Variants in SPTB observed in about 807,000 individuals in gnomAD.
The protein encoded by SPTB is spectrin beta, erythrocytic, also known as spectrin beta chain, erythrocytic.
Under a neutral mutation model 256.2 loss-of-function variants are expected in SPTB, and 45 were observed. That is an observed-to-expected ratio of 0.18 (90% CI 0.14 to 0.23). The LOEUF (loss-of-function observed/expected upper bound fraction) is 0.23. Among genes scored for constraint, SPTB ranks in the 10% least tolerant of loss-of-function variants. SPTB has a pLI of 1.00. For synonymous variants in SPTB, 1,231 were observed against 1,243.1 expected (o/e 0.99, Z 0.21); for missense variants, 2,715 against 3,040.4 (o/e 0.89, Z 2.52).
chr14:64,877,150 T>TA (rs111763840), intron 1 of SPTB, among the ~76,000 whole-genome samples: 4,212 of 138,400 alleles, frequency 0.03, 117 homozygotes, highest in African/African-American at 0.073. Flanking sequence ...ATCTGTTCTT[T>TA]AAAAAAAAAA....
Position 64,841,367 on chromosome 14 carries a change from T to A in SPTB, c.-51-18222A>T, listed in dbSNP as rs891569458. 3.3e-5 allele frequency among the ~76,000 whole-genome samples: 5 copies of A among 152,112 alleles called. No homozygotes were observed. The highest frequency in any genetic ancestry group is 1.2e-4 in the African/African-American group (5 of 41,402). ...CCCTCTGCAGGAAGGAATGTGGAGA[T>A]CAAAGGAGTGGGAAGGTTATAAACA... On this transcript the variant is annotated intron_variant, in intron 1 of 35. Transcript: ENST00000644917. This position sits in a 1 kb window ranked among gnomAD's most constrained non-coding sequence, Gnocchi z 4.6.
intron 1 of SPTB, among the ~76,000 whole-genome samples, chr14:64,851,317 T>G (rs1356349732): frequency 6.6e-6 from 1 of 152,230 alleles, no homozygotes; most frequent in African/African-American, 2.4e-5. Context: ...CTCTGTGCCT[T>G]TATTTCTTCA....
In SPTB at chr14:64,782,320, G is replaced by A. The variant is rs229639; in HGVS notation, c.4236C>T (p.Thr1412=). ...GCTTAGCCAACATCCGATTGACACT[G>A]GTCAGGTCCTTGCCCGGGTCGTCTG... ...LRSDDPGKDL[T]SVNRMLAKLK... is the part of the protein sequence containing the mutation. Residue 1412 remains threonine, a synonymous_variant, in exon 20 of 36, where the codon ACC becomes ACT. Transcript: ENST00000644917. 788 of 1,614,174 alleles carry A rather than the reference G, an allele frequency of 4.9e-4. 4 individuals are homozygous for A. The African/African-American group carries it at 9.2e-3, about 19-fold the overall frequency.
In SPTB at chr14:64,852,523, G is replaced by T. The variant is rs2083804434; in HGVS notation, c.-52+27269C>A. On this transcript the variant is annotated intron_variant, in intron 1 of 35. Coordinates refer to ENST00000644917, the MANE Select transcript of SPTB (RefSeq NM_001355436.2). This position sits in a 1 kb window ranked among gnomAD's most constrained non-coding sequence, Gnocchi z 4.2. ...GGGACAAGATTACAGGCAGGGAACT[G>T]ATTAGGATGTCACTGCAGTAACTGA... 6.6e-6 allele frequency among the ~76,000 whole-genome samples: 1 copy of T among 152,208 alleles called. No individual in the cohort carries two copies. Among genetic ancestry groups the T allele is most frequent in the African/African-American group, 2.4e-5 (1 of 41,442 alleles).
chr14:64,822,866 G>C (rs904262948), intron 2 of SPTB, 81 bp downstream of exon 2: 27 of 1,587,690 alleles, frequency 1.7e-5, no homozygotes, highest in Admixed American at 3.3e-5. Context: ...AACACACACA[G>C]AGGATTCACA....
At chr14:64,848,135 T>A (rs1341867053) in intron 1 of SPTB, among the ~76,000 whole-genome samples, 1 of 152,208 alleles carries the variant, frequency 6.6e-6, no homozygotes, top group Non-Finnish European at 1.5e-5. Context: ...CATTTAAATC[T>A]ACTTTTTAAG....
At chr14:64,811,242 A>G (rs1477523658) in intron 2 of SPTB, among the ~76,000 whole-genome samples, 2 of 152,262 alleles carry the variant, frequency 1.3e-5, no homozygotes, top group Non-Finnish European at 2.9e-5. Context: ...TTAACAAGGA[A>G]AAAGACCAGT....
chr14:64,799,839 G>A lies in SPTB; in HGVS notation c.972C>T (p.Val324=), dbSNP rs757509270. ...AGTTGGCAAACTTGCGGCTGTTCAG[G>A]ACAGTGATGGTCTGCTCGATCCAGG... is the stretch of plus-strand genomic sequence containing the variant. ...LLTWIEQTIT[V]LNSRKFANSL... is the part of the protein sequence containing the mutation. The change falls in exon 9 of 36, where the codon GTC becomes GTT. Residue 324 remains valine (V), a synonymous_variant. Transcript: ENST00000644917. 3.1e-6 allele frequency: 5 copies of A among 1,614,138 alleles called. No individual in the cohort carries two copies. The African/African-American group carries it at 6.7e-5, about 22-fold the overall frequency.
At position 64,790,248 on chromosome 14, in the gene SPTB, C is replaced by A. The variant is rs2082647608; in HGVS notation, c.2804+1471G>T. On this transcript the variant is annotated intron_variant, in intron 15 of 35. Coordinates refer to ENST00000644917, the MANE Select transcript of SPTB (RefSeq NM_001355436.2). This position sits in a 1 kb window ranked among gnomAD's most constrained non-coding sequence, Gnocchi z 4.8. Reference sequence around the variant, plus strand: ...TTTCTCACTTAAGGATGGCAGGTACCTTGATATTTTTCTCTTGGGGATGGG... The same window carrying A: ...TTTCTCACTTAAGGATGGCAGGTACATTGATATTTTTCTCTTGGGGATGGG... Among the ~76,000 whole-genome samples, 3 of 151,916 alleles carry A rather than the reference C, an allele frequency of 2.0e-5. No homozygotes were observed. Among genetic ancestry groups the A allele is most frequent in the Admixed American group, 2.0e-4 (3 of 15,246 alleles).
At chr14:64,832,659 A>G (rs1271317636) in intron 1 of SPTB, among the ~76,000 whole-genome samples, 4 of 152,142 alleles carry the variant, frequency 2.6e-5, no homozygotes, top group Non-Finnish European at 5.9e-5. Context: ...CCCCCAGTGG[A>G]ATCTATCCTC....
In SPTB at chr14:64,749,998, C is replaced by G; in HGVS notation, c.6759G>C (p.Lys2253Asn). The change falls in exon 34 of 36, where the codon AAG becomes AAC. Residue 2253 changes from lysine (K) to asparagine (N), a missense_variant. Lys to Asn is a moderately conservative substitution (Grantham distance 94). Around this residue, in one of 4 missense-constraint regions of SPTB, gnomAD observed 2,239 missense variants for 2,384.4 expected, o/e 0.94. Transcript: ENST00000644917. The surrounding 1 kb of genome is among the most constrained non-coding windows in gnomAD (Gnocchi z 4.7). ...GGCCTCACCTCAGCTTAAAGACGTG[C>G]TTCTTCTTCTTGTAGTTGGCAGCAA... ...CEIAANYKKK[K>N]HVFKLRLSNG... 6.2e-7 allele frequency: 1 copy of G among 1,613,090 alleles called. No individual in the cohort carries two copies. Among genetic ancestry groups the G allele is most frequent in the Non-Finnish European group, 8.5e-7 (1 of 1,179,018 alleles).
chr14:64,837,082 G>A (rs2083535263), intron 1 of SPTB, among the ~76,000 whole-genome samples: 1 of 152,190 alleles, frequency 6.6e-6, no homozygotes, highest in Non-Finnish European at 1.5e-5. Context: ...ACTTCTCAAT[G>A]TACAACTTGT....
chr14:64,765,017 A>AGAGTGTGTGTGTGTGTGTGT (rs2082144823), intron 32 of SPTB, among the ~76,000 whole-genome samples: 1 of 108,860 alleles, frequency 9.2e-6, no homozygotes, highest in East Asian at 3.2e-4. Context: ...GCCACAGAGG[A>AGAGTGTGTGTGTGTGTGTGT]GTGTGTGCGT....
intron 33 of SPTB, among the ~76,000 whole-genome samples, chr14:64,752,051 G>T (rs1422191390): frequency 6.6e-6 from 1 of 151,872 alleles, no homozygotes; most frequent in African/African-American, 2.4e-5. Flanking sequence ...CCAAAATTGA[G>T]CCAGTTCACT....
At chr14:64,762,211 C>T (rs935443570) in intron 32 of SPTB, among the ~76,000 whole-genome samples, 2 of 152,172 alleles carry the variant, frequency 1.3e-5, no homozygotes, top group Admixed American at 6.5e-5. Flanking sequence ...ATGTTGTTTC[C>T]AGCTGGGTCT....
chr14:64,800,271 C>A (rs2082858046), intron 8 of SPTB, among the ~76,000 whole-genome samples: 1 of 152,204 alleles, frequency 6.6e-6, no homozygotes, highest in African/African-American at 2.4e-5. Flanking sequence ...TTTAAATGTT[C>A]ATGAGGAGTC....
Position 64,777,877 on chromosome 14 carries a change from G to A in SPTB, c.4563+1280C>T, listed in dbSNP as rs74331120. ...CTTCTTGGTTAGGGGAACCCCATCC[G>A]TATTTGTCTTGCCCTTTTCCCGAAA... is the stretch of plus-strand genomic sequence containing the variant. On this transcript the variant is annotated intron_variant, in intron 22 of 35. Coordinates refer to ENST00000644917, the MANE Select transcript of SPTB (RefSeq NM_001355436.2). The surrounding 1 kb of genome is among the most constrained non-coding windows in gnomAD (Gnocchi z 4.5). Among the ~76,000 whole-genome samples, 9,175 of 152,192 alleles carry A rather than the reference G, an allele frequency of 0.06. 338 individuals are homozygous for A. Among genetic ancestry groups the A allele is most frequent in the Non-Finnish European group, 0.09 (6,117 of 68,004 alleles).
At position 64,773,327 on chromosome 14, in the gene SPTB, G is replaced by A. The variant is rs2082307149; in HGVS notation, c.5071C>T (p.His1691Tyr). ...GTCTCCCGCTTGAGCTGGAACAGGT[G>A]GTACATGTTCTCCAGCTTGCGCTTG... ...ERKRKLENMY[H>Y]LFQLKRETDD... The change falls in exon 25 of 36, where the codon CAC (histidine) becomes TAC (tyrosine). Residue 1691 changes from histidine (H) to tyrosine (Y), a missense_variant. His to Tyr is a moderately conservative substitution (Grantham distance 83). Transcript: ENST00000644917. The A allele has an allele frequency of 2.5e-6, 4 of 1,614,072 alleles. No individual in the cohort carries two copies. The highest frequency in any genetic ancestry group is 3.4e-6 in the Non-Finnish European group (4 of 1,180,046).
chr14:64,749,510 C>T lies in SPTB; in HGVS notation c.6820-37G>A. On this transcript the variant is annotated intron_variant, in intron 35 of 35. Transcript: ENST00000644917. This position sits in a 1 kb window ranked among gnomAD's most constrained non-coding sequence, Gnocchi z 4.7. ...AGGGTCACGGTGGAGTCTGGAGGCC[C>T]ACAGCCCCCCACCTCCCGGGCCAGG... is the stretch of plus-strand genomic sequence containing the variant. 2 of 1,597,016 alleles carry T rather than the reference C, an allele frequency of 1.3e-6. No homozygotes were observed. Among genetic ancestry groups the T allele is most frequent in the Non-Finnish European group, 1.7e-6 (2 of 1,177,218 alleles).
Sources: gnomAD v4.1 joint callset for allele counts (sites outside exome capture counted in the v4.1 genomes callset) on GRCh38, gnomAD v4.1.1 for gene constraint, gnomAD v4.1.1 regional missense constraint, Gnocchi (gnomAD v3.1) non-coding constraint, MANE v1.5 for transcripts, NCBI Gene and HGNC (gene_info 2026-07-23, HGNC 2026-07-21) for gene names.